The following TAFA2 variants were observed in gnomAD, a reference collection of about 807,000 sequenced individuals.
TAFA2 encodes TAFA chemokine like family member 2, also known as chemokine-like protein TAFA-2.
TAFA2 carries 7 observed loss-of-function variants against 18.8 expected under a neutral mutation model. That is an observed-to-expected ratio of 0.37 (90% CI 0.21 to 0.70). TAFA2 has a LOEUF of 0.70. Ranked by LOEUF, TAFA2 falls within the 30% of genes least tolerant of loss-of-function variation. TAFA2 has a pLI of 0.53. For missense variants in TAFA2, 122 were observed against 158.1 expected (o/e 0.77, Z 1.23); for synonymous variants, 60 against 54.2 (o/e 1.11, Z -0.47).
At chr12:61,982,993 T>A (rs1055612908) in intron 1 of TAFA2, among the ~76,000 whole-genome samples, 1 of 152,132 alleles carries the variant, frequency 6.6e-6, no homozygotes, top group Non-Finnish European at 1.5e-5. Flanking sequence ...TATTAAAATT[T>A]AGTTTTTTGT....
intron 1 of TAFA2, among the ~76,000 whole-genome samples, chr12:62,076,853 G>A (rs1241948900): frequency 2.6e-5 from 4 of 152,186 alleles, no homozygotes; most frequent in African/African-American, 9.7e-5. Flanking sequence ...CCCTGGAGAT[G>A]TGCAGAGCTG....
intron 1 of TAFA2, among the ~76,000 whole-genome samples, chr12:61,987,255 C>T (rs1020167610): frequency 6.6e-6 from 1 of 152,190 alleles, no homozygotes; most frequent in African/African-American, 2.4e-5. Flanking sequence ...ATCCTCTTTA[C>T]ATGTAGCTGA....
intron 1 of TAFA2, among the ~76,000 whole-genome samples, chr12:61,885,767 G>A (rs925868052): frequency 2.6e-5 from 4 of 152,180 alleles, no homozygotes; most frequent in Non-Finnish European, 4.4e-5. Context: ...TATAAGCATT[G>A]CTCTTTTCCT....
chr12:62,155,570 C>T (rs987920664), intron 1 of TAFA2, among the ~76,000 whole-genome samples: 21 of 152,156 alleles, frequency 1.4e-4, no homozygotes, highest in African/African-American at 5.1e-4. Context: ...ATCACCAAAA[C>T]AGCATGGTAC....
At chr12:61,959,232 G>A (rs1878799456) in intron 1 of TAFA2, among the ~76,000 whole-genome samples, 1 of 151,818 alleles carries the variant, frequency 6.6e-6, no homozygotes, top group Admixed American at 6.6e-5. Flanking sequence ...TAAATAAAAT[G>A]GCATTAAATA....
At chr12:62,131,438 C>A (rs955524827) in intron 1 of TAFA2, among the ~76,000 whole-genome samples, 2 of 151,966 alleles carry the variant, frequency 1.3e-5, no homozygotes, top group Non-Finnish European at 2.9e-5. Context: ...TTTAAAAAGT[C>A]CTGGAATTAC....
intron 1 of TAFA2, among the ~76,000 whole-genome samples, chr12:61,972,523 G>C (rs1347680051): frequency 2.0e-5 from 3 of 151,524 alleles, no homozygotes; most frequent in Non-Finnish European, 4.4e-5. Flanking sequence ...GTGTTTTCTT[G>C]GCCAAACCCT....
intron 2 of TAFA2, among the ~76,000 whole-genome samples, chr12:61,757,148 G>A (rs1334252220): frequency 6.6e-6 from 1 of 152,064 alleles, no homozygotes; most frequent in Non-Finnish European, 1.5e-5. Flanking sequence ...GAAGGCAAGA[G>A]TGGAGACCAG....
intron 1 of TAFA2, among the ~76,000 whole-genome samples, chr12:61,943,685 C>A (rs1355652525): frequency 6.6e-6 from 1 of 152,036 alleles, no homozygotes; most frequent in African/African-American, 2.4e-5. Flanking sequence ...TTTAAATCAA[C>A]AAAGATCAGA....
At chr12:61,821,128 T>TACACACACACACACAC (rs3034059) in intron 2 of TAFA2, among the ~76,000 whole-genome samples, 1 of 146,476 alleles carries the variant, frequency 6.8e-6, no homozygotes, top group African/African-American at 2.5e-5. Flanking sequence ...TTGATAGGGG[T>TACACACACACACACAC]ACACACACAC....
intron 1 of TAFA2, chr12:62,235,161 G>T: frequency 1.5e-6 from 1 of 666,908 alleles, no homozygotes; most frequent in Non-Finnish European, 2.9e-6. Context: ...TTGCTGAGGG[G>T]GAGACACTCC....
At chr12:62,008,238 TTTC>T (rs1416037697) in intron 1 of TAFA2, among the ~76,000 whole-genome samples, 1 of 133,642 alleles carries the variant, frequency 7.5e-6, no homozygotes, top group Non-Finnish European at 1.6e-5. Context: ...TAAGATATTT[TTTC>T]TTCTTTGTTA....
At chr12:62,150,079 A>AG (rs1297975522) in intron 1 of TAFA2, among the ~76,000 whole-genome samples, 1 of 152,200 alleles carries the variant, frequency 6.6e-6, no homozygotes, top group Non-Finnish European at 1.5e-5. Flanking sequence ...GGGATGGGGC[A>AG]GGGGTACATT....
intron 2 of TAFA2, among the ~76,000 whole-genome samples, chr12:61,770,881 A>G (rs950585428): frequency 6.6e-6 from 1 of 152,098 alleles, no homozygotes; most frequent in Admixed American, 6.6e-5. Context: ...TGAATAGAAG[A>G]GTACCTCACT....
At chr12:61,890,533 A>G (rs1423245377) in intron 1 of TAFA2, 1 of 152,248 alleles carries the variant, frequency 6.6e-6, no homozygotes, top group East Asian at 1.9e-4. Context: ...AAATGTCTAT[A>G]TAAAAAGCAA....
intron 1 of TAFA2, among the ~76,000 whole-genome samples, chr12:62,210,657 G>T (rs2062709618): frequency 6.6e-6 from 1 of 152,156 alleles, no homozygotes; most frequent in African/African-American, 2.4e-5. Context: ...TGTACATATT[G>T]AAGATGCTTC....
At chr12:61,957,548 G>A (rs1321792559) in intron 1 of TAFA2, among the ~76,000 whole-genome samples, 2 of 152,178 alleles carry the variant, frequency 1.3e-5, no homozygotes, top group African/African-American at 4.8e-5. Flanking sequence ...TATCGAAAGT[G>A]GGGGAATTCT....
At chr12:62,085,435 A>C (rs1868411262) in intron 1 of TAFA2, among the ~76,000 whole-genome samples, 1 of 152,196 alleles carries the variant, frequency 6.6e-6, no homozygotes, top group Admixed American at 6.5e-5. Context: ...TAGCAGAAGA[A>C]AATTGTCCTG....
intron 1 of TAFA2, among the ~76,000 whole-genome samples, chr12:62,248,904 A>AT (rs1311753461): frequency 5.3e-5 from 8 of 152,074 alleles, no homozygotes; most frequent in Non-Finnish European, 1.5e-5. Context: ...ACAACTACCC[A>AT]TTGCTCCCTT....
Sources: allele counts gnomAD v4.1 joint callset (sites outside exome capture counted in the v4.1 genomes callset), GRCh38; gene constraint gnomAD v4.1.1; transcripts MANE v1.5; gene names NCBI Gene and HGNC (gene_info 2026-07-23, HGNC 2026-07-21).